Variants in BEND7 observed in about 807,000 individuals in gnomAD.
BEND7 encodes the protein BEN domain-containing protein 7.
In BEND7, 28 loss-of-function variants were observed where a neutral mutation model predicts 50.9. The ratio of observed to expected loss-of-function variants is 0.55; its 90% CI spans 0.41 to 0.75. The LOEUF is 0.75. Among genes scored for constraint, BEND7 ranks in the 30% least tolerant of loss-of-function variants. The pLI is 0.00. For synonymous variants in BEND7, 170 were observed against 183.9 expected, an observed-to-expected ratio of 0.92 and a Z score of 0.61; for missense variants, 477 against 491.3, an observed-to-expected ratio of 0.97 and a Z score of 0.28.
intron 6 of BEND7, among the ~76,000 whole-genome samples, chr10:13,465,830 G>C (rs1290086103): frequency 1.3e-5 from 2 of 151,772 alleles, no homozygotes; most frequent in East Asian, 3.9e-4. Flanking sequence ...GAAGAGTCTT[G>C]TTGAATCCCA....
intron 4 of BEND7, among the ~76,000 whole-genome samples, chr10:13,495,499 T>G (rs1322189107): frequency 6.6e-6 from 1 of 152,104 alleles, no homozygotes; most frequent in African/African-American, 2.4e-5. Flanking sequence ...CCATCTCTAC[T>G]AAAAATACAA....
At chr10:13,459,257 T>A (rs563525833) in intron 6 of BEND7, among the ~76,000 whole-genome samples, 1 of 152,230 alleles carries the variant, frequency 6.6e-6, no homozygotes, top group African/African-American at 2.4e-5. Context: ...GCAGATTACC[T>A]GTCCCCAGGA....
rs1350022944 is a variant in BEND7 at position 13,452,634 on chromosome 10, G to A, written c.1088C>T (p.Ala363Val). 6.2e-7 allele frequency: 1 copy of A among 1,611,120 alleles called. No individual in the cohort carries two copies. The highest frequency in any genetic ancestry group is 8.5e-7 in the Non-Finnish European group (1 of 1,178,484). ...IKVFTEKYCT[A>V]NHVDKLPGPR... is the part of the protein sequence containing the mutation. ...GCCAGGAAGCTTATCCACATGGTTA[G>A]CTGTACAGTACTTTTCTGTGAAGAC... Residue 363 changes from alanine to valine, a missense_variant, in exon 7 of 9, where the codon GCT (alanine) becomes GTT (valine). This residue lies in a region of BEND7 where 64 missense variants were observed against 68.5 expected (regional missense o/e 0.93). Coordinates refer to ENST00000466271, the MANE Select transcript of BEND7 (RefSeq NM_001369863.1).
intron 8 of BEND7, chr10:13,444,729 G>A (rs1426861833): frequency 6.6e-6 from 1 of 152,222 alleles, no homozygotes; most frequent in African/African-American, 2.4e-5. Flanking sequence ...TTTTACTTTG[G>A]AGGCAATCAA....
intron 8 of BEND7, chr10:13,442,080 A>T (rs1281464797): frequency 1.3e-5 from 4 of 318,884 alleles, no homozygotes; most frequent in African/African-American, 8.6e-5. Context: ...ATGTGACATG[A>T]ATACCTTGGA....
chr10:13,504,180 G>C (rs868607799), intron 2 of BEND7, among the ~76,000 whole-genome samples: 2 of 152,216 alleles, frequency 1.3e-5, no homozygotes, highest in Non-Finnish European at 2.9e-5. Flanking sequence ...GAGCAGATGA[G>C]CAGGCCGAGC....
downstream of BEND7, chr10:13,438,555 A>G (rs1835020266): frequency 6.6e-6 from 1 of 152,390 alleles, no homozygotes; most frequent in Admixed American, 6.5e-5. Context: ...ATATCTGTAT[A>G]TATTACTTTC....
intron 8 of BEND7, chr10:13,442,003 G>A: frequency 2.0e-6 from 1 of 495,234 alleles, no homozygotes; most frequent in Non-Finnish European, 3.6e-6. Context: ...TGACTGGCTG[G>A]TCTTTGGTGG....
At chr10:13,471,411 A>T (rs1004585472) in intron 6 of BEND7, among the ~76,000 whole-genome samples, 1 of 152,258 alleles carries the variant, frequency 6.6e-6, no homozygotes, top group African/African-American at 2.4e-5. Flanking sequence ...GGGAAATGTC[A>T]ACTGAACAAG....
intron 6 of BEND7, among the ~76,000 whole-genome samples, chr10:13,473,629 C>A (rs1460666645): frequency 2.2e-5 from 3 of 133,806 alleles, no homozygotes; most frequent in African/African-American, 8.5e-5. Flanking sequence ...GACTCAGGGC[C>A]GATTCGTCAT....
chr10:13,522,675 A>C (rs986053871), intron 2 of BEND7, among the ~76,000 whole-genome samples: 1 of 152,230 alleles, frequency 6.6e-6, no homozygotes, highest in Non-Finnish European at 1.5e-5. Flanking sequence ...TCTGCTTTGC[A>C]GAGCCCTCCC....
intron 8 of BEND7, chr10:13,443,160 A>G (rs1835591777): frequency 6.6e-6 from 1 of 152,550 alleles, no homozygotes. Flanking sequence ...AAAAAATCTT[A>G]TACCAGATTG....
intron 6 of BEND7, among the ~76,000 whole-genome samples, chr10:13,453,578 TA>T (rs1170886537): frequency 6.6e-6 from 1 of 152,230 alleles, no homozygotes; most frequent in Non-Finnish European, 1.5e-5. Flanking sequence ...CTAGTTGTAC[TA>T]AATGTGACCA....
chr10:13,496,841 A>G lies in BEND7; in HGVS notation c.496T>C (p.Cys166Arg). 6.2e-7 allele frequency: 1 copy of G among 1,613,148 alleles called. No individual in the cohort carries two copies. The highest frequency in any genetic ancestry group is 1.1e-5 in the South Asian group (1 of 91,054). Reference protein sequence around the residue: ...NSSAGSNCCTCNCQSTLQAIL... With the variant: ...NSSAGSNCCTRNCQSTLQAIL... ...GCCTGCAACGTTGACTGGCAGTTACAAGTACAGCAGTTTGATCCAGCTGAT... is the reference window on the plus strand; with the variant it reads ...GCCTGCAACGTTGACTGGCAGTTACGAGTACAGCAGTTTGATCCAGCTGAT... The change falls in exon 4 of 9, where the codon TGT becomes CGT. Residue 166 changes from cysteine (C) to arginine (R), a missense_variant. Around this residue, in one of 3 missense-constraint regions of BEND7, gnomAD observed 396 missense variants for 384.2 expected, o/e 1.03. Transcript: ENST00000466271.
intron 2 of BEND7, among the ~76,000 whole-genome samples, chr10:13,521,975 A>C (rs1216020724): frequency 1.3e-4 from 20 of 152,214 alleles, no homozygotes; most frequent in Admixed American, 1.3e-3. Context: ...AAAGCCACTG[A>C]AAAGAGACTT....
At chr10:13,490,955 C>T (rs2076613013) in intron 5 of BEND7, among the ~76,000 whole-genome samples, 1 of 152,068 alleles carries the variant, frequency 6.6e-6, no homozygotes, top group East Asian at 1.9e-4. Flanking sequence ...AGGCATGTGC[C>T]ACCACATCCA....
chr10:13,448,951 C>T (rs1039619803), intron 7 of BEND7, among the ~76,000 whole-genome samples: 10 of 134,000 alleles, frequency 7.5e-5, no homozygotes, highest in African/African-American at 2.3e-4. Context: ...CCAGCCTGGG[C>T]GACAGAGCGA....
chr10:13,447,117 T>A, intron 8 of BEND7, 149 bp downstream of exon 8: 1 of 771,016 alleles, frequency 1.3e-6, no homozygotes, highest in Non-Finnish European at 2.3e-6. Flanking sequence ...TACGGGGCCT[T>A]GAGAAGCTCC....
intron 8 of BEND7, 86 bp downstream of exon 8, chr10:13,447,180 C>CT (rs1231887755): frequency 7.1e-7 from 1 of 1,416,884 alleles, no homozygotes; most frequent in African/African-American, 1.5e-5. Context: ...GTCTGCATGT[C>CT]TAATGTTAAA....
Sources: gnomAD v4.1 joint callset for allele counts (sites outside exome capture counted in the v4.1 genomes callset) on GRCh38, gnomAD v4.1.1 for gene constraint, gnomAD v4.1.1 regional missense constraint, MANE v1.5 for transcripts, NCBI Gene and HGNC (gene_info 2026-07-23, HGNC 2026-07-21) for gene names.